The following NBL1 variants were observed in gnomAD, a reference collection of about 807,000 sequenced individuals.
The protein encoded by NBL1 is NBL1, DAN family BMP antagonist.
A neutral mutation model predicts 16.0 loss-of-function variants in NBL1; 9 were observed. That is an observed-to-expected ratio of 0.56 (90% confidence interval 0.34 to 0.98). The LOEUF (loss-of-function observed/expected upper bound fraction) is 0.98. NBL1 is among the 50% of genes least tolerant of loss of function. The pLI, the probability that NBL1 is intolerant of heterozygous loss-of-function variation, is 0.02. For missense variants in NBL1, 196 were observed against 243.1 expected, an observed-to-expected ratio of 0.81 and a Z score of 1.29; for synonymous variants, 86 against 100.7, an observed-to-expected ratio of 0.85 and a Z score of 0.87.
At chr1:19,652,464 G>GT (rs952079187) in intron 1 of NBL1, among the ~76,000 whole-genome samples, 7 of 151,108 alleles carry the variant, frequency 4.6e-5, no homozygotes, top group Non-Finnish European at 8.8e-5. Flanking sequence ...GAGGCGGCGG[G>GT]GGGGCAGCCT....
At chr1:19,643,961 G>C (rs1033855340), upstream of NBL1, 2 of 985,602 alleles carry the variant, frequency 2.0e-6, no homozygotes, top group African/African-American at 1.7e-5. This position sits in a 1 kb window ranked among gnomAD's most constrained non-coding sequence, Gnocchi z 4.7. Flanking sequence ...CTCGGTAAAA[G>C]TCGGGCGGAG....
chr1:19,650,050 C>T (rs1195405593), intron 1 of NBL1, among the ~76,000 whole-genome samples: 1 of 151,954 alleles, frequency 6.6e-6, no homozygotes, highest in Admixed American at 6.5e-5. Context: ...TCTCGGCTCA[C>T]TGCAAGCTCC....
rs112479984 is a variant in NBL1 at position 19,649,137 on chromosome 1, T to C, written c.-20+4691T>C. Among the ~76,000 whole-genome samples, 9 of 152,208 alleles carry C rather than the reference T, an allele frequency of 5.9e-5. 1 individual carries two copies. The highest frequency in any genetic ancestry group is 2.2e-4 in the African/African-American group (9 of 41,520). On this transcript the variant is annotated intron_variant, in intron 1 of 3. Coordinates refer to ENST00000375136, the MANE Select transcript of NBL1 (RefSeq NM_005380.8). ...TTGACCTGCAAGGGTAGCTGGGGGT[T>C]AACCTGCTACCCTCCAGGTTCAAAT...
In NBL1 at chr1:19,656,602, G is replaced by A. The variant is rs368827659; in HGVS notation, c.283-264G>A. On this transcript the variant is annotated intron_variant, in intron 3 of 3. Transcript: ENST00000375136. ...CAAGTGCAGGGGGATCGCGGCGGTG[G>A]GGGCGATTTTAGCAGGGGCAGGCCA... 2.8e-3 allele frequency among the ~76,000 whole-genome samples: 419 copies of A among 152,124 alleles called. 3 individuals are homozygous for A. The highest frequency in any genetic ancestry group is 9.8e-3 in the African/African-American group (405 of 41,496).
chr1:19,647,888 TGCGC>T (rs1271083387), intron 1 of NBL1, among the ~76,000 whole-genome samples: 2 of 142,712 alleles, frequency 1.4e-5, no homozygotes, highest in South Asian at 2.1e-4. Flanking sequence ...TGTGTGCGTG[TGCGC>T]GCGTGTGTGT....
chr1:19,652,150 G>A (rs1351360378), intron 1 of NBL1, among the ~76,000 whole-genome samples: 2 of 152,148 alleles, frequency 1.3e-5, no homozygotes, highest in Non-Finnish European at 1.5e-5. Flanking sequence ...GAAGCAAGAT[G>A]GGGTCAGATA....
At chr1:19,652,849 G>T (rs924289044) in intron 1 of NBL1, among the ~76,000 whole-genome samples, 3 of 152,070 alleles carry the variant, frequency 2.0e-5, no homozygotes, top group Non-Finnish European at 4.4e-5. Context: ...TCAGCCAGGT[G>T]TGGTGGCGAA....
At chr1:19,652,359 T>A (rs2095031045) in intron 1 of NBL1, among the ~76,000 whole-genome samples, 1 of 152,120 alleles carries the variant, frequency 6.6e-6, no homozygotes, top group South Asian at 2.1e-4. Flanking sequence ...TCCATTCTAT[T>A]TTGTTAGGAT....
rs748624953 is a variant in NBL1 at position 19,655,061 on chromosome 1, C to G, written c.31C>G (p.Leu11Val). Residue 11 changes from leucine (L) to valine (V), a missense_variant, in exon 2 of 4, where the codon CTC (leucine) becomes GTC (valine). Physicochemically the swap from Leu to Val is conservative, Grantham distance 32. Transcript: ENST00000375136. Reference protein sequence around the residue: MMLRVLVGAVLPAMLLAAPPP... With the variant: MMLRVLVGAVVPAMLLAAPPP... ...GCTTCGGGTCCTGGTGGGGGCTGTCCTCCCTGCCATGCTACTGGCTGCCCC... is the reference window on the plus strand; with the variant it reads ...GCTTCGGGTCCTGGTGGGGGCTGTCGTCCCTGCCATGCTACTGGCTGCCCC... The G allele has an allele frequency of 1.2e-6, 2 of 1,612,168 alleles. No homozygotes were observed. The highest frequency in any genetic ancestry group is 4.5e-5 in the East Asian group (2 of 44,886).
At chr1:19,650,265 A>G (rs1193978821) in intron 1 of NBL1, among the ~76,000 whole-genome samples, 1 of 152,190 alleles carries the variant, frequency 6.6e-6, no homozygotes, top group Admixed American at 6.5e-5. Flanking sequence ...GTGCATCCCC[A>G]TGGCTAACTG....
At chr1:19,645,535 G>A in intron 1 of NBL1, 1 of 1,025,052 alleles carries the variant, frequency 9.8e-7, no homozygotes, top group Non-Finnish European at 1.2e-6. Flanking sequence ...ACAGAGGTCA[G>A]GGCTGGAGGC....
At chr1:19,645,112 C>T (rs2100384738) in intron 1 of NBL1, among the ~76,000 whole-genome samples, 1 of 152,328 alleles carries the variant, frequency 6.6e-6, no homozygotes, top group East Asian at 1.9e-4. Context: ...GACAATCCCC[C>T]AGTGTCGGAG....
intron 1 of NBL1, chr1:19,647,671 GTAGAATCGTCCGTCTCCATCAGC>G: frequency 1.7e-5 from 17 of 985,508 alleles, no homozygotes; most frequent in Non-Finnish European, 2.0e-5. Context: ...GAGCCCACAG[GTAGAATCGTCCGTCTCCATCAGC>G]TGGGGCCAAG....
intron 3 of NBL1, 107 bp downstream of exon 3, chr1:19,655,542 A>T: frequency 7.9e-7 from 1 of 1,265,232 alleles, no homozygotes; most frequent in Non-Finnish European, 1.1e-6. Flanking sequence ...AGGGCCTTAG[A>T]AAGGCCCCAC....
intron 1 of NBL1, among the ~76,000 whole-genome samples, chr1:19,648,291 G>A (rs113585754): frequency 3.9e-5 from 6 of 152,194 alleles, no homozygotes; most frequent in Non-Finnish European, 5.9e-5. Context: ...GTGGGCTGGG[G>A]GGCCTCAGTG....
intron 1 of NBL1, chr1:19,645,969 C>T (rs2094977227): frequency 2.6e-6 from 4 of 1,550,410 alleles, no homozygotes; most frequent in Non-Finnish European, 3.5e-6. Context: ...CCTGGCCCTG[C>T]AGCAGCTCAT....
At position 19,657,137 on chromosome 1, in the gene NBL1, C is replaced by G. The variant is rs1184180691; in HGVS notation, c.*8C>G. The stretch of plus-strand genomic sequence containing the variant: ...GAGGGGGCTGAGGACTGAGGCCCCC[C>G]CAACTCTTCCTCCCCTCTCATCCCC... On this transcript the variant is annotated 3_prime_UTR_variant, in exon 4 of 4. Coordinates refer to ENST00000375136, the MANE Select transcript of NBL1 (RefSeq NM_005380.8). 3.1e-6 allele frequency: 4 copies of G among 1,291,266 alleles called. No individual in the cohort carries two copies. Among genetic ancestry groups the G allele is most frequent in the East Asian group, 5.1e-5 (2 of 39,568 alleles). The allele number at this position is 1,291,266 out of a possible 1,614,324, so 80.0% of individuals were successfully genotyped here. A position where few individuals can be genotyped will look rare whatever the true frequency, so the allele number is the denominator to read the frequency against.
upstream of NBL1, chr1:19,644,215 G>C: frequency 1.0e-6 from 1 of 977,372 alleles, no homozygotes; most frequent in Non-Finnish European, 1.2e-6. This position sits in a 1 kb window ranked among gnomAD's most constrained non-coding sequence, Gnocchi z 4.6. Context: ...CTTTCTGCGC[G>C]CGGCCCTCCC....
At chr1:19,646,396 G>C (rs754948786) in intron 1 of NBL1, among the ~76,000 whole-genome samples, 2 of 152,180 alleles carry the variant, frequency 1.3e-5, no homozygotes, top group Non-Finnish European at 2.9e-5. Flanking sequence ...CAGGCACACA[G>C]AAAGCCAATG....
Sources: gnomAD v4.1 joint callset for allele counts (sites outside exome capture counted in the v4.1 genomes callset) on GRCh38, gnomAD v4.1.1 for gene constraint, Gnocchi (gnomAD v3.1) non-coding constraint, MANE v1.5 for transcripts, NCBI Gene and HGNC (gene_info 2026-07-23, HGNC 2026-07-21) for gene names.